RAP1GDS1: variants seen among roughly 807,000 people sequenced by gnomAD.
RAP1GDS1 encodes the protein Rap1 GTPase-GDP dissociation stimulator 1.
A neutral mutation model predicts 71.1 loss-of-function variants in RAP1GDS1; 35 were observed. The ratio of observed to expected loss-of-function variants is 0.49; its 90% CI spans 0.38 to 0.65. The LOEUF (loss-of-function observed/expected upper bound fraction) is 0.65. Among genes scored for constraint, RAP1GDS1 ranks in the 30% least tolerant of loss-of-function variants. RAP1GDS1 has a pLI of 0.00. For synonymous variants in RAP1GDS1, 229 were observed against 243.1 expected, an observed-to-expected ratio of 0.94 and a Z score of 0.54; for missense variants, 663 against 706.1, an observed-to-expected ratio of 0.94 and a Z score of 0.69.
chr4:98,379,163 G>A lies in RAP1GDS1; in HGVS notation c.508G>A (p.Asp170Asn), dbSNP rs980227479. The A allele has an allele frequency of 4.5e-6, 7 of 1,572,382 alleles. No individual in the cohort carries two copies. Among genetic ancestry groups the A allele is most frequent in the Non-Finnish European group, 6.0e-6 (7 of 1,163,388 alleles). Residue 170 changes from aspartate (D) to asparagine (N), a missense_variant and splice_region_variant, in exon 5 of 15, where the codon GAT becomes AAT. Asp to Asn is a conservative substitution (Grantham distance 23). Transcript: ENST00000408927. ...GMLMNYSNENDSLQAQLINMG... is the reference protein window; with the variant it reads ...GMLMNYSNENNSLQAQLINMG... The stretch of plus-strand genomic sequence containing the variant: ...GCTGATGAACTATAGCAATGAGAAT[G>A]GTAAACAAAACTGAAAACTTGCTTT...
chr4:98,403,491 G>A (rs1755495995), intron 6 of RAP1GDS1, among the ~76,000 whole-genome samples: 1 of 152,070 alleles, frequency 6.6e-6, no homozygotes, highest in Non-Finnish European at 1.5e-5. Context: ...AACCCTGGAG[G>A]AGGAAGATTT....
intron 1 of RAP1GDS1, among the ~76,000 whole-genome samples, chr4:98,277,700 T>A (rs956169337): frequency 2.6e-5 from 4 of 152,174 alleles, no homozygotes; most frequent in Non-Finnish European, 5.9e-5. Flanking sequence ...CACTCAGTGT[T>A]TCATATTTCT....
At chr4:98,422,988 G>T (rs761318046) in intron 12 of RAP1GDS1, among the ~76,000 whole-genome samples, 3 of 152,122 alleles carry the variant, frequency 2.0e-5, no homozygotes, top group Non-Finnish European at 4.4e-5. Flanking sequence ...GCTCTCTCAC[G>T]CCCATTTGTT....
chr4:98,316,592 A>G (rs1034902524), intron 2 of RAP1GDS1, among the ~76,000 whole-genome samples: 7 of 152,154 alleles, frequency 4.6e-5, no homozygotes, highest in Non-Finnish European at 8.8e-5. Flanking sequence ...TTGTTGTGGT[A>G]CTAATGATGA....
In RAP1GDS1 at chr4:98,420,156, G is replaced by T; in HGVS notation, c.1300+12G>T. On this transcript the variant is annotated intron_variant, in intron 11 of 14. Transcript: ENST00000408927. ...AATAGATGCACAAGGTAAAAGAAAT[G>T]TTTTCCCCAACTTGCATTTTTCATA... 1 of 1,495,396 alleles carries T rather than the reference G, an allele frequency of 6.7e-7. No homozygotes were observed. The highest frequency in any genetic ancestry group is 9.0e-7 in the Non-Finnish European group (1 of 1,117,096). The allele number at this position is 1,495,396 out of a possible 1,614,324, so 92.6% of individuals were successfully genotyped here.
At chr4:98,268,539 T>C (rs1237570432) in intron 1 of RAP1GDS1, among the ~76,000 whole-genome samples, 1 of 152,030 alleles carries the variant, frequency 6.6e-6, no homozygotes, top group Non-Finnish European at 1.5e-5. Context: ...AAAGATAGCA[T>C]GGTCTTATAC....
At chr4:98,289,519 A>C (rs2110271847) in intron 1 of RAP1GDS1, among the ~76,000 whole-genome samples, 1 of 151,048 alleles carries the variant, frequency 6.6e-6, no homozygotes, top group South Asian at 2.1e-4. Flanking sequence ...TGAGTTGTAA[A>C]AGTTTCTGAT....
intron 6 of RAP1GDS1, among the ~76,000 whole-genome samples, chr4:98,400,721 A>G (rs1745286111): frequency 6.6e-6 from 1 of 152,110 alleles, no homozygotes; most frequent in Non-Finnish European, 1.5e-5. Context: ...TAGGGGGAGG[A>G]TATTGAATGT....
chr4:98,403,630 A>AC (rs1745733767), intron 6 of RAP1GDS1, among the ~76,000 whole-genome samples: 1 of 152,208 alleles, frequency 6.6e-6, no homozygotes, highest in Non-Finnish European at 1.5e-5. Context: ...TATGTTGTAT[A>AC]AATATCAACA....
At chr4:98,403,801 G>A (rs1394510506) in intron 6 of RAP1GDS1, among the ~76,000 whole-genome samples, 1 of 152,140 alleles carries the variant, frequency 6.6e-6, no homozygotes, top group Non-Finnish European at 1.5e-5. Context: ...GTAGAGGCAG[G>A]TAGGCCAAAA....
chr4:98,426,893 A>C (rs1364668329), intron 12 of RAP1GDS1, among the ~76,000 whole-genome samples: 3 of 152,140 alleles, frequency 2.0e-5, no homozygotes, highest in Non-Finnish European at 4.4e-5. Flanking sequence ...CCCTAATACC[A>C]AAACCAGGAA....
chr4:98,323,983 G>C (rs1313168035), intron 2 of RAP1GDS1, among the ~76,000 whole-genome samples: 7 of 148,446 alleles, frequency 4.7e-5, no homozygotes, highest in African/African-American at 1.8e-4. Context: ...AAGTCAAATT[G>C]TCCCTGTTTG....
At chr4:98,305,701 A>G (rs900427133) in intron 2 of RAP1GDS1, among the ~76,000 whole-genome samples, 1 of 152,172 alleles carries the variant, frequency 6.6e-6, no homozygotes, top group Non-Finnish European at 1.5e-5. Context: ...TATAAAAGGC[A>G]AAAAAGGACT....
chr4:98,327,552 C>CT (rs1733328178), intron 2 of RAP1GDS1, among the ~76,000 whole-genome samples: 3 of 152,152 alleles, frequency 2.0e-5, no homozygotes, highest in Admixed American at 6.5e-5. Flanking sequence ...CCTTTCCTGA[C>CT]TCTGTTTGTT....
intron 2 of RAP1GDS1, among the ~76,000 whole-genome samples, chr4:98,325,940 G>A (rs1415177580): frequency 6.6e-6 from 1 of 151,346 alleles, no homozygotes; most frequent in Non-Finnish European, 1.5e-5. Context: ...AAGATTCAGT[G>A]TAGTTGTAGT....
At chr4:98,267,196 T>A (rs1722812194) in intron 1 of RAP1GDS1, among the ~76,000 whole-genome samples, 1 of 152,194 alleles carries the variant, frequency 6.6e-6, no homozygotes, top group Admixed American at 6.5e-5. Flanking sequence ...TCTTGTAGTA[T>A]CATTGTCTGG....
intron 1 of RAP1GDS1, among the ~76,000 whole-genome samples, chr4:98,292,197 G>A (rs1727059176): frequency 6.6e-6 from 1 of 150,750 alleles, no homozygotes; most frequent in South Asian, 2.1e-4. Context: ...AGCAATCCTA[G>A]CTCCCTGTAG....
chr4:98,338,545 T>G (rs1252577667), intron 2 of RAP1GDS1, among the ~76,000 whole-genome samples: 1 of 152,160 alleles, frequency 6.6e-6, no homozygotes, highest in Non-Finnish European at 1.5e-5. Flanking sequence ...CCCCTTTGAT[T>G]CATATTTGTG....
chr4:98,333,198 ACAAC>A (rs1734237290), intron 2 of RAP1GDS1, among the ~76,000 whole-genome samples: 1 of 152,048 alleles, frequency 6.6e-6, no homozygotes, highest in Non-Finnish European at 1.5e-5. Flanking sequence ...ATATTTTGAA[ACAAC>A]CTTTAACCTC....
Sources: gnomAD v4.1 joint callset for allele counts (sites outside exome capture counted in the v4.1 genomes callset) on GRCh38, gnomAD v4.1.1 for gene constraint, MANE v1.5 for transcripts, NCBI Gene and HGNC (gene_info 2026-07-23, HGNC 2026-07-21) for gene names.